Variants in TAF2 observed in about 807,000 individuals in gnomAD.
TAF2 encodes transcription initiation factor TFIID subunit 2.
In TAF2, 61 loss-of-function variants were observed where a neutral mutation model predicts 138.5. The ratio of observed to expected loss-of-function variants is 0.44; its 90% CI spans 0.36 to 0.54. TAF2 has a LOEUF of 0.54. TAF2 is among the 20% of genes least tolerant of loss of function. The pLI, the probability that TAF2 is intolerant of heterozygous loss-of-function variation, is 0.00. For missense variants in TAF2, 1,090 were observed against 1,427.9 expected, an observed-to-expected ratio of 0.76 and a Z score of 3.81; for synonymous variants, 475 against 469.9, an observed-to-expected ratio of 1.01 and a Z score of -0.14.
At chr8:119,807,745 G>A (rs894297888) in intron 3 of TAF2, among the ~76,000 whole-genome samples, 6 of 152,060 alleles carry the variant, frequency 3.9e-5, no homozygotes, top group South Asian at 4.1e-4. Context: ...CCAATATGGC[G>A]AAACCCTCTC....
At chr8:119,812,718 GGTGTGTGTGT>G (rs201947539) in intron 3 of TAF2, among the ~76,000 whole-genome samples, 5,383 of 143,924 alleles carry the variant, frequency 0.037, 174 homozygotes, top group South Asian at 0.11. Context: ...AGTATTCCAT[GGTGTGTGTGT>G]GTGTGTGTGT....
At chr8:119,745,615 T>A (rs1054846786) in intron 23 of TAF2, among the ~76,000 whole-genome samples, 1 of 152,106 alleles carries the variant, frequency 6.6e-6, no homozygotes, top group Admixed American at 6.6e-5. Context: ...GTCTAAATAT[T>A]GGTGAAAAAT....
intron 5 of TAF2, among the ~76,000 whole-genome samples, chr8:119,803,218 C>T (rs186535206): frequency 3.7e-4 from 56 of 152,268 alleles, no homozygotes; most frequent in African/African-American, 1.3e-3. Flanking sequence ...TATTCTTTGT[C>T]TCTAGATGTA....
chr8:119,748,678 G>A (rs770705417), intron 22 of TAF2, among the ~76,000 whole-genome samples: 2 of 152,078 alleles, frequency 1.3e-5, no homozygotes, highest in South Asian at 4.1e-4. Context: ...GTATTATTTT[G>A]TAGGCATTCA....
chr8:119,735,642 A>G (rs1452442131), intron 25 of TAF2, among the ~76,000 whole-genome samples: 1 of 152,222 alleles, frequency 6.6e-6, no homozygotes, highest in Non-Finnish European at 1.5e-5. Context: ...AAAGCTAAAC[A>G]TATTATTTAT....
intron 5 of TAF2, among the ~76,000 whole-genome samples, chr8:119,802,865 T>C (rs1824360538): frequency 6.6e-6 from 1 of 152,136 alleles, no homozygotes; most frequent in Non-Finnish European, 1.5e-5. Flanking sequence ...GAGCCGAGAT[T>C]GCATGAGCCG....
intron 16 of TAF2, among the ~76,000 whole-genome samples, chr8:119,782,972 G>A (rs1297346513): frequency 6.7e-6 from 1 of 149,228 alleles, no homozygotes; most frequent in Admixed American, 6.8e-5. Context: ...GTGAGATCTT[G>A]TCTTTATTTA....
intron 20 of TAF2, chr8:119,760,393 G>A (rs1820980463): frequency 3.6e-6 from 2 of 555,214 alleles, no homozygotes; most frequent in South Asian, 4.8e-5. Context: ...AAAGGCTAAA[G>A]ATACCTATAA....
At chr8:119,786,693 G>A (rs1038259321) in intron 14 of TAF2, among the ~76,000 whole-genome samples, 8 of 152,106 alleles carry the variant, frequency 5.3e-5, no homozygotes, top group Admixed American at 3.3e-4. Flanking sequence ...GGGCCGAGGT[G>A]GGCAGATCAT....
chr8:119,797,177 C>T (rs920351841), intron 7 of TAF2, 74 bp from the exon 8 acceptor site: 33 of 1,103,816 alleles, frequency 3.0e-5, no homozygotes, highest in Non-Finnish European at 4.3e-5. Flanking sequence ...AAAATAATTC[C>T]ACTTTTAAAA....
intron 22 of TAF2, among the ~76,000 whole-genome samples, chr8:119,755,793 T>A (rs999046002): frequency 1.3e-5 from 2 of 152,058 alleles, no homozygotes; most frequent in African/African-American, 2.4e-5. Context: ...AAATAAAGAG[T>A]TTTGTTTCCT....
At chr8:119,733,260 C>T (rs71532468) in intron 25 of TAF2, among the ~76,000 whole-genome samples, 1 of 152,092 alleles carries the variant, frequency 6.6e-6, no homozygotes, top group Non-Finnish European at 1.5e-5. Flanking sequence ...CTCCTTAAGA[C>T]AATTTCTAGG....
At chr8:119,770,739 A>G (rs545889090) in intron 18 of TAF2, among the ~76,000 whole-genome samples, 6 of 152,334 alleles carry the variant, frequency 3.9e-5, no homozygotes, top group African/African-American at 9.6e-5. Context: ...TCACATTTCA[A>G]TATTAACCTT....
rs546019409 is a variant in TAF2 at position 119,731,703 on chromosome 8, C to T, written c.*221G>A. 16 of 566,590 alleles carry T rather than the reference C, an allele frequency of 2.8e-5. No individual in the cohort carries two copies. The highest frequency in any genetic ancestry group is 4.8e-4 in the Middle Eastern group (1 of 2,092). The allele number at this position is 566,590 out of a possible 1,614,324, so 35.1% of individuals were successfully genotyped here. ...TGTGTGTGTTTTGGGGAGGAAACAG[C>T]GGATGAAATAGTTTATCCAGAACTA... is the stretch of plus-strand genomic sequence containing the variant. On this transcript the variant is annotated 3_prime_UTR_variant, in exon 26 of 26. Coordinates refer to ENST00000378164, the MANE Select transcript of TAF2 (RefSeq NM_003184.4).
intron 18 of TAF2, among the ~76,000 whole-genome samples, chr8:119,766,695 ATGGTGG>A (rs1298782683): frequency 6.6e-6 from 1 of 152,072 alleles, no homozygotes; most frequent in African/African-American, 2.4e-5. Flanking sequence ...TTAGCTGAGC[ATGGTGG>A]TGGATGCCTG....
rs1274570879 is a variant in TAF2, at chr8:119,789,581, G to A, written c.1568+11C>T. 1.2e-6 allele frequency: 2 copies of A among 1,612,620 alleles called. No individual in the cohort carries two copies. Among genetic ancestry groups the A allele is most frequent in the Non-Finnish European group, 8.5e-7 (1 of 1,179,698 alleles). On this transcript the variant is annotated intron_variant, in intron 12 of 25. Coordinates refer to ENST00000378164, the MANE Select transcript of TAF2 (RefSeq NM_003184.4). ...TTCCCCACTCTGTTGAACTGCTATT[G>A]AAAAGGATACACCCACTGCTTTATT... is the stretch of plus-strand genomic sequence containing the variant.
At chr8:119,809,347 G>A (rs1824878362) in intron 3 of TAF2, among the ~76,000 whole-genome samples, 1 of 152,154 alleles carries the variant, frequency 6.6e-6, no homozygotes, top group Non-Finnish European at 1.5e-5. Context: ...CCTTGCTCTG[G>A]ATTAGGCTTG....
chr8:119,805,147 C>T (rs147646106), intron 4 of TAF2, among the ~76,000 whole-genome samples: 3 of 152,240 alleles, frequency 2.0e-5, no homozygotes, highest in East Asian at 1.9e-4. Context: ...TACAATATTA[C>T]AATGGCTAAA....
At chr8:119,754,216 A>G (rs1231628586) in intron 22 of TAF2, among the ~76,000 whole-genome samples, 1 of 152,158 alleles carries the variant, frequency 6.6e-6, no homozygotes, top group African/African-American at 2.4e-5. Flanking sequence ...AAACAGAAAA[A>G]CAGAAGTTAT....
Sources: allele counts gnomAD v4.1 joint callset (sites outside exome capture counted in the v4.1 genomes callset), GRCh38; gene constraint gnomAD v4.1.1; transcripts MANE v1.5; gene names NCBI Gene and HGNC (gene_info 2026-07-23, HGNC 2026-07-21).